The following GIPC1 variants were observed in gnomAD, a reference collection of about 807,000 sequenced individuals.
The protein encoded by GIPC1 is PDZ domain-containing protein GIPC1.
In GIPC1, 15 loss-of-function variants were observed where a neutral mutation model predicts 28.5. The observed-to-expected ratio is 0.53, with a 90% CI of 0.35 to 0.81. The LOEUF (loss-of-function observed/expected upper bound fraction) is 0.81. GIPC1 is among the 30% of genes least tolerant of loss of function. The pLI is 0.01. For synonymous variants in GIPC1, 224 were observed against 206.1 expected (o/e 1.09, Z -0.74); for missense variants, 439 against 481.9 (o/e 0.91, Z 0.83).
intron 3 of GIPC1, among the ~76,000 whole-genome samples, chr19:14,489,217 C>T (rs980963575): frequency 2.6e-5 from 4 of 152,162 alleles, no homozygotes; most frequent in Non-Finnish European, 5.9e-5. Context: ...GCTACCACAC[C>T]CAGCCTGCTA....
Position 14,496,073 on chromosome 19 carries a change from C to CT in GIPC1, c.-212_-211insA. ...CCGCCGCCGCCGCCGCCGCCGCCGC[C>CT]GCTGCCTCCGCCTCCCCGTGCGCAC... On this transcript the variant is annotated 5_prime_UTR_variant, in exon 1 of 9. Coordinates refer to ENST00000393033, the MANE Select transcript of GIPC1 (RefSeq NM_005716.4). The CT allele has an allele frequency of 4.3e-6, 1 of 234,776 alleles. No homozygotes were observed. Among genetic ancestry groups the CT allele is most frequent in the South Asian group, 8.0e-5 (1 of 12,452 alleles). The allele number at this position is 234,776 out of a possible 1,614,324, so 14.5% of individuals were successfully genotyped here.
At chr19:14,480,006 G>A (rs965606313) in intron 6 of GIPC1, 26 of 551,074 alleles carry the variant, frequency 4.7e-5, no homozygotes, top group African/African-American at 4.6e-4. Context: ...GCACTGAGCA[G>A]TCAAGCCTGG....
Position 14,482,357 on chromosome 19 carries a change from G to A in GIPC1, c.288+332C>T. The A allele has an allele frequency of 6.9e-6, 3 of 431,920 alleles. No individual in the cohort carries two copies. The South Asian group carries it at 7.0e-5, about 10-fold the overall frequency. The allele number at this position is 431,920 out of a possible 1,614,324, so 26.8% of individuals were successfully genotyped here. A position where few individuals can be genotyped will look rare whatever the true frequency, so the allele number is the denominator to read the frequency against. Reference sequence around the variant, plus strand: ...ACCCCTAGTCTTGCACAATCTACTGGGGGTACACCCCTCCTAATGCCTGAT... The same window carrying A: ...ACCCCTAGTCTTGCACAATCTACTGAGGGTACACCCCTCCTAATGCCTGAT... On this transcript the variant is annotated intron_variant, in intron 4 of 8. Transcript: ENST00000393033.
intron 3 of GIPC1, among the ~76,000 whole-genome samples, chr19:14,487,684 C>CTTTTTTTTT (rs1489160301): frequency 9.7e-6 from 1 of 103,406 alleles, no homozygotes; most frequent in East Asian, 2.4e-4. Flanking sequence ...CCTTTATTTT[C>CTTTTTTTTT]CTTTTTTTTT....
intron 6 of GIPC1, 173 bp downstream of exon 6, chr19:14,480,132 C>T (rs1460836258): frequency 1.8e-5 from 11 of 618,418 alleles, no homozygotes; most frequent in Non-Finnish European, 2.8e-5. Context: ...CCAGGCTGGG[C>T]CAAGGGCCAG....
rs1364182753 is a variant in GIPC1, at chr19:14,478,384, C to T, written c.*32G>A. ...GCTGGGGGCCCCCACCAGGTTGCGC[C>T]CGGGTCATCATCGCAGGGTCCGGGG... is the stretch of plus-strand genomic sequence containing the variant. On this transcript the variant is annotated 3_prime_UTR_variant, in exon 9 of 9. Transcript: ENST00000393033. This position sits in a 1 kb window ranked among gnomAD's most constrained non-coding sequence, Gnocchi z 5.2. The T allele has an allele frequency of 6.4e-7, 1 of 1,572,802 alleles. No homozygotes were observed. Among genetic ancestry groups the T allele is most frequent in the Non-Finnish European group, 8.6e-7 (1 of 1,157,854 alleles).
rs146515353 is a variant in GIPC1, at chr19:14,482,706, G to C, written c.271C>G (p.Arg91Gly). 3 of 1,611,260 alleles carry C rather than the reference G, an allele frequency of 1.9e-6. No homozygotes were observed. The East Asian group carries it at 6.7e-5, about 36-fold the overall frequency. ...GTGGATACCTCGGCAGTTGGCAGGC[G>C]GAAGGCCTCGGCGATCTTGCCATAC... ...ELYGKIAEAF[R>G]LPTAEVMFCT... The change falls in exon 4 of 9, where the codon CGC (arginine) becomes GGC (glycine). Residue 91 changes from arginine (R) to glycine (G), a missense_variant. Physicochemically the swap from Arg to Gly is moderately radical, Grantham distance 125 (BLOSUM62 -2). Transcript: ENST00000393033.
intron 3 of GIPC1, chr19:14,489,439 T>G: frequency 1.1e-6 from 1 of 899,284 alleles, no homozygotes; most frequent in South Asian, 1.3e-5. Context: ...CAAGAAGTTT[T>G]CATTGAAATT....
chr19:14,493,302 C>CTT (rs2072008895), intron 1 of GIPC1, among the ~76,000 whole-genome samples: 1 of 152,240 alleles, frequency 6.6e-6, no homozygotes, highest in Non-Finnish European at 1.5e-5. Flanking sequence ...CTGCCTGAAA[C>CTT]TTTACAACAG....
intron 3 of GIPC1, among the ~76,000 whole-genome samples, chr19:14,485,730 G>GAGAGAC (rs2071827902): frequency 6.9e-6 from 1 of 144,360 alleles, no homozygotes; most frequent in Non-Finnish European, 1.5e-5. Flanking sequence ...GAGAGAGAGA[G>GAGAGAC]AGAGAGAGAG....
At chr19:14,485,182 TAAATA>T (rs1405137977) in intron 3 of GIPC1, among the ~76,000 whole-genome samples, 1 of 151,262 alleles carries the variant, frequency 6.6e-6, no homozygotes, top group African/African-American at 2.4e-5. Flanking sequence ...TAAAAATAAA[TAAATA>T]AAAGAGTCAG....
In GIPC1 at chr19:14,480,434, C is replaced by T. The variant is rs756583101; in HGVS notation, c.526G>A (p.Asp176Asn). 8.7e-6 allele frequency: 14 copies of T among 1,613,870 alleles called. No homozygotes were observed. The highest frequency in any genetic ancestry group is 6.8e-6 in the Non-Finnish European group (8 of 1,179,908). The change falls in exon 6 of 9, where the codon GAC becomes AAC. Residue 176 changes from aspartate (D) to asparagine (N), a missense_variant. Transcript: ENST00000393033. ...IDHIHLISVG[D>N]MIEAINGQSL... ...TGCCCGTTAATGGCCTCGATCATGT[C>T]GCCCACGCTGATGAGGTGGATGTGG...
At chr19:14,480,149 G>A (rs1453945974) in intron 6 of GIPC1, 156 bp downstream of exon 6, 14 of 648,442 alleles carry the variant, frequency 2.2e-5, no homozygotes, top group African/African-American at 1.5e-4. Flanking sequence ...CCAGCACCCC[G>A]TCTGGGGTCG....
intron 1 of GIPC1, among the ~76,000 whole-genome samples, chr19:14,493,448 G>A (rs1420238616): frequency 6.6e-6 from 1 of 150,956 alleles, no homozygotes; most frequent in Non-Finnish European, 1.5e-5. Flanking sequence ...CCTTGGCCTT[G>A]CCCATCTCTC....
chr19:14,485,702 T>TATATATATATATAG (rs1300117748), intron 3 of GIPC1, among the ~76,000 whole-genome samples: 221 of 58,674 alleles, frequency 3.8e-3, no homozygotes, highest in Non-Finnish European at 6.5e-3. Flanking sequence ...TATATATATA[T>TATATATATATATAG]AGAGAGAGAG....
intron 3 of GIPC1, among the ~76,000 whole-genome samples, chr19:14,485,696 TATATATAGAGAGAGAGAGAGAG>T (rs1188395982): frequency 9.5e-5 from 7 of 73,860 alleles, no homozygotes; most frequent in African/African-American, 2.0e-4. Flanking sequence ...TATATATATA[TATATATAGAGAGAGAGAGAGAG>T]AGAGAGAGAG....
intron 3 of GIPC1, among the ~76,000 whole-genome samples, chr19:14,485,702 T>TATATATATATATATATATATAG (rs1300117748): frequency 6.8e-5 from 4 of 58,800 alleles, no homozygotes; most frequent in African/African-American, 1.7e-4. Flanking sequence ...TATATATATA[T>TATATATATATATATATATATAG]AGAGAGAGAG....
chr19:14,495,178 G>A (rs1326848840), intron 1 of GIPC1, among the ~76,000 whole-genome samples: 1 of 152,164 alleles, frequency 6.6e-6, no homozygotes, highest in Non-Finnish European at 1.5e-5. Context: ...CCCTGCAGAC[G>A]CCACTCTCTT....
chr19:14,481,578 G>A (rs2071729912), intron 4 of GIPC1, among the ~76,000 whole-genome samples: 1 of 151,900 alleles, frequency 6.6e-6, no homozygotes, highest in Admixed American at 6.6e-5. Context: ...AAAATTAGCT[G>A]GGTCTGGTGG....
Sources: gnomAD v4.1 joint callset for allele counts (sites outside exome capture counted in the v4.1 genomes callset) on GRCh38, gnomAD v4.1.1 for gene constraint, Gnocchi (gnomAD v3.1) non-coding constraint, MANE v1.5 for transcripts, NCBI Gene and HGNC (gene_info 2026-07-23, HGNC 2026-07-21) for gene names.